UBE2E2: variants seen among roughly 807,000 people sequenced by gnomAD.
UBE2E2 encodes the protein ubiquitin conjugating enzyme E2 E2.
UBE2E2 carries 6 observed loss-of-function variants against 24.7 expected under a neutral mutation model. That is an observed-to-expected ratio of 0.24 (90% CI 0.13 to 0.48). The LOEUF (loss-of-function observed/expected upper bound fraction) is 0.48, where lower values mean the gene tolerates loss of function less well. UBE2E2 is among the 20% of genes least tolerant of loss of function. The pLI is 0.99. For synonymous variants in UBE2E2, 104 were observed against 83.6 expected (o/e 1.24, Z -1.33); for missense variants, 169 against 245.0 (o/e 0.69, Z 2.07).
intron 3 of UBE2E2, among the ~76,000 whole-genome samples, chr3:23,270,082 G>A (rs11720461): frequency 0.39 from 58,975 of 150,716 alleles, 12,029 homozygotes; most frequent in Admixed American, 0.53. Flanking sequence ...CACCCCAGCA[G>A]CAATGAGCTA....
intron 3 of UBE2E2, among the ~76,000 whole-genome samples, chr3:23,309,063 C>A (rs558452347): frequency 6.6e-6 from 1 of 152,240 alleles, no homozygotes; most frequent in African/African-American, 2.4e-5. Context: ...TAGCTGTGCT[C>A]ACAGCCAGTT....
intron 3 of UBE2E2, among the ~76,000 whole-genome samples, chr3:23,351,091 T>C (rs1329048140): frequency 6.6e-6 from 1 of 152,210 alleles, no homozygotes; most frequent in Admixed American, 6.5e-5. Flanking sequence ...TCAACATTCC[T>C]AAAGAAATGA....
chr3:23,435,312 G>A (rs191113185), intron 3 of UBE2E2, among the ~76,000 whole-genome samples: 2 of 152,308 alleles, frequency 1.3e-5, no homozygotes, highest in African/African-American at 4.8e-5. Flanking sequence ...ATACTTAACC[G>A]TAACCTGCAG....
At chr3:23,434,375 GAAGAGAATAAAGTTTGCATCCCCC>G (rs1170092540) in intron 3 of UBE2E2, among the ~76,000 whole-genome samples, 1 of 152,002 alleles carries the variant, frequency 6.6e-6, no homozygotes. Flanking sequence ...CTAGAATTCT[GAAGAGAATAAAGTTTGCATCCCCC>G]AAATGACACA....
intron 3 of UBE2E2, among the ~76,000 whole-genome samples, chr3:23,306,389 G>T (rs1699237538): frequency 6.6e-6 from 1 of 152,068 alleles, no homozygotes; most frequent in Non-Finnish European, 1.5e-5. Context: ...TTGTGGCTTG[G>T]ATCTAAAGAC....
At chr3:23,309,034 C>T (rs1699308502) in intron 3 of UBE2E2, among the ~76,000 whole-genome samples, 1 of 152,216 alleles carries the variant, frequency 6.6e-6, no homozygotes, top group East Asian at 1.9e-4. Flanking sequence ...TGAATATCCC[C>T]CTTCTGTCTG....
At chr3:23,212,491 A>G (rs1696356301) in intron 2 of UBE2E2, among the ~76,000 whole-genome samples, 1 of 152,166 alleles carries the variant, frequency 6.6e-6, no homozygotes, top group South Asian at 2.1e-4. Flanking sequence ...TTACGGGTTG[A>G]TACATCTGTA....
At chr3:23,326,535 A>G (rs1694895465) in intron 3 of UBE2E2, among the ~76,000 whole-genome samples, 1 of 152,182 alleles carries the variant, frequency 6.6e-6, no homozygotes, top group Non-Finnish European at 1.5e-5. Context: ...AACATTTAAG[A>G]TGTGTCTGTC....
intron 3 of UBE2E2, among the ~76,000 whole-genome samples, chr3:23,229,885 T>TGG (rs1274848786): frequency 6.6e-6 from 1 of 152,214 alleles, no homozygotes; most frequent in Non-Finnish European, 1.5e-5. Flanking sequence ...GCTACTATAT[T>TGG]GGACAGCATA....
chr3:23,208,383 T>C (rs1696211135), intron 1 of UBE2E2, among the ~76,000 whole-genome samples: 2 of 152,220 alleles, frequency 1.3e-5, no homozygotes, highest in Non-Finnish European at 2.9e-5. Context: ...TATGTGAATA[T>C]ACTACTATAT....
chr3:23,462,184 T>C (rs1363079998), intron 3 of UBE2E2, among the ~76,000 whole-genome samples: 1 of 152,166 alleles, frequency 6.6e-6, no homozygotes, highest in Non-Finnish European at 1.5e-5. Flanking sequence ...CCTAACACTT[T>C]CTGTACTTTA....
In UBE2E2 at chr3:23,550,621, A is replaced by C. The variant is rs1290021623; in HGVS notation, c.508+17920A>C. ...TCTGCTTCTGGCCATGAAGAATAACAGGAGCCAGATTTACACTCCTACCTT... is the reference window on the plus strand; with the variant it reads ...TCTGCTTCTGGCCATGAAGAATAACCGGAGCCAGATTTACACTCCTACCTT... On this transcript the variant is annotated intron_variant, in intron 5 of 5. Coordinates refer to ENST00000396703, the MANE Select transcript of UBE2E2 (RefSeq NM_152653.4). Among the ~76,000 whole-genome samples the C allele has an allele frequency of 7.2e-5, 11 of 152,320 alleles. No individual in the cohort carries two copies. In the South Asian group the frequency reaches 1.9e-3, roughly 26 times the overall value.
At chr3:23,256,404 T>G (rs1575508566) in intron 3 of UBE2E2, among the ~76,000 whole-genome samples, 1 of 152,214 alleles carries the variant, frequency 6.6e-6, no homozygotes, top group Non-Finnish European at 1.5e-5. Flanking sequence ...TAAAGGATAC[T>G]CCGTAACAAA....
chr3:23,281,141 G>T (rs1259421750), intron 3 of UBE2E2, among the ~76,000 whole-genome samples: 1 of 152,172 alleles, frequency 6.6e-6, no homozygotes, highest in Non-Finnish European at 1.5e-5. Context: ...TAACACTGGG[G>T]ACTTGAGTTG....
chr3:23,477,840 G>C (rs1442676095), intron 3 of UBE2E2, among the ~76,000 whole-genome samples: 2 of 152,200 alleles, frequency 1.3e-5, no homozygotes, highest in East Asian at 3.9e-4. Flanking sequence ...GGATCATGGG[G>C]GCAGTTTCCC....
intron 3 of UBE2E2, among the ~76,000 whole-genome samples, chr3:23,317,247 T>G (rs1694607378): frequency 6.6e-6 from 1 of 152,198 alleles, no homozygotes. Context: ...GGGGTAAAGC[T>G]TGTGAAAGTT....
At chr3:23,276,251 T>G (rs1575526235) in intron 3 of UBE2E2, among the ~76,000 whole-genome samples, 1 of 152,184 alleles carries the variant, frequency 6.6e-6, no homozygotes. Context: ...GTAAACTGAT[T>G]AGAATTATAG....
chr3:23,220,597 A>C (rs1696604609), intron 3 of UBE2E2, among the ~76,000 whole-genome samples: 1 of 152,334 alleles, frequency 6.6e-6, no homozygotes, highest in Non-Finnish European at 1.5e-5. Flanking sequence ...TAACTGACCC[A>C]TGACATTTGC....
intron 3 of UBE2E2, among the ~76,000 whole-genome samples, chr3:23,410,192 TTTAA>T (rs1434459434): frequency 6.6e-6 from 1 of 152,204 alleles, no homozygotes; most frequent in Non-Finnish European, 1.5e-5. Flanking sequence ...AATCACAGAA[TTTAA>T]AAGTGTCTGT....
Sources: gnomAD v4.1 joint callset for allele counts (sites outside exome capture counted in the v4.1 genomes callset) on GRCh38, gnomAD v4.1.1 for gene constraint, MANE v1.5 for transcripts, NCBI Gene and HGNC (gene_info 2026-07-23, HGNC 2026-07-21) for gene names.